Variants in PSMF1 observed in about 807,000 individuals in gnomAD.
PSMF1 encodes proteasome inhibitor PI31 subunit.
A neutral mutation model predicts 29.3 loss-of-function variants in PSMF1; 30 were observed. That is an observed-to-expected ratio of 1.02 (90% CI 0.77 to 1.39). The LOEUF is 1.39. PSMF1 is among the 40% of genes most tolerant of loss of function. The probability of loss-of-function intolerance (pLI) is 0.00; values close to 1 mark genes in which losing one functional copy is unlikely to be tolerated. For synonymous variants in PSMF1, 134 were observed against 139.7 expected (o/e 0.96, Z 0.29); for missense variants, 344 against 357.5 (o/e 0.96, Z 0.31).
intron 4 of PSMF1, among the ~76,000 whole-genome samples, chr20:1,137,763 G>A (rs189512747): frequency 1.5e-4 from 23 of 152,204 alleles, no homozygotes; most frequent in Non-Finnish European, 2.6e-4. Flanking sequence ...CATTGACCAG[G>A]TATTAGATAG....
At chr20:1,162,994 G>A in intron 4 of PSMF1, 136 bp from the exon 5 acceptor site, 1 of 854,536 alleles carries the variant, frequency 1.2e-6, no homozygotes, top group East Asian at 2.7e-5. Context: ...TCTGAGCCAA[G>A]GACCACCCTG....
chr20:1,135,588 G>T (rs1358974713), intron 4 of PSMF1, among the ~76,000 whole-genome samples: 1 of 152,172 alleles, frequency 6.6e-6, no homozygotes, highest in Non-Finnish European at 1.5e-5. Flanking sequence ...TGCCTCTGGG[G>T]CTTATGTGCA....
intron 4 of PSMF1, chr20:1,161,665 G>A (rs774612910): frequency 1.5e-5 from 10 of 670,986 alleles, no homozygotes; most frequent in African/African-American, 3.6e-5. Context: ...ATGACAAGTC[G>A]GGCCCCTCCA....
intron 3 of PSMF1, among the ~76,000 whole-genome samples, chr20:1,128,553 C>A (rs894954014): frequency 7.9e-5 from 12 of 152,104 alleles, no homozygotes; most frequent in African/African-American, 2.9e-4. Context: ...TAACTATGTT[C>A]CACAAAAGAT....
At position 1,172,243 on chromosome 20, in the gene PSMF1, G is replaced by A. The variant is rs2086797143; in HGVS notation, c.*7163G>A. ...TATTAAATTTGATAAGATGCATGAT[G>A]GCAGCTATTAGAGTTTTGACTCTGT... is the stretch of plus-strand genomic sequence containing the variant. On this transcript the variant is annotated 3_prime_UTR_variant, in exon 7 of 7. Coordinates refer to ENST00000335877, the MANE Select transcript of PSMF1 (RefSeq NM_006814.5). Among the ~76,000 whole-genome samples, 2 of 152,216 alleles carry A rather than the reference G, an allele frequency of 1.3e-5. No homozygotes were observed. Among genetic ancestry groups the A allele is most frequent in the African/African-American group, 4.8e-5 (2 of 41,442 alleles).
At position 1,166,061 on chromosome 20, in the gene PSMF1, T is replaced by C; in HGVS notation, c.*981T>C. 1 of 1,491,596 alleles carries C rather than the reference T, an allele frequency of 6.7e-7. No individual in the cohort carries two copies. The allele number at this position is 1,491,596 out of a possible 1,614,324, so 92.4% of individuals were successfully genotyped here. ...AAGGCCATACTTCCCTTGAACCTTG[T>C]GTGGTTCTTGCCTAACTCTGTGGTT... is the stretch of plus-strand genomic sequence containing the variant. On this transcript the variant is annotated 3_prime_UTR_variant, in exon 7 of 7. Coordinates refer to ENST00000335877, the MANE Select transcript of PSMF1 (RefSeq NM_006814.5).
intron 4 of PSMF1, among the ~76,000 whole-genome samples, chr20:1,150,724 A>G (rs980395152): frequency 1.3e-5 from 2 of 151,844 alleles, no homozygotes; most frequent in South Asian, 2.1e-4. Flanking sequence ...CTTTTACCCT[A>G]TTAATGGTTT....
chr20:1,132,466 G>A (rs1204130354), intron 3 of PSMF1, among the ~76,000 whole-genome samples: 1 of 151,822 alleles, frequency 6.6e-6, no homozygotes, highest in Non-Finnish European at 1.5e-5. Flanking sequence ...TAGTAGAGAC[G>A]GGGTTTTACC....
intron 3 of PSMF1, among the ~76,000 whole-genome samples, chr20:1,133,417 A>G (rs1279377339): frequency 6.6e-6 from 1 of 150,892 alleles, no homozygotes; most frequent in Non-Finnish European, 1.5e-5. Flanking sequence ...ACTATTAACC[A>G]GTCTTGCATG....
In PSMF1 at chr20:1,171,631, G is replaced by C. The variant is rs1274038444; in HGVS notation, c.*6551G>C. ...TCCCCCTCCCAGTTCCCGCAGCTAG[G>C]CTGAGTGTTAAGAGGAAGGTGCCAT... On this transcript the variant is annotated 3_prime_UTR_variant, in exon 7 of 7. Transcript: ENST00000335877. Among the ~76,000 whole-genome samples, 1 of 152,178 alleles carries C rather than the reference G, an allele frequency of 6.6e-6. No homozygotes were observed. The highest frequency in any genetic ancestry group is 1.5e-5 in the Non-Finnish European group (1 of 68,038).
chr20:1,160,162 T>C (rs1044439291), intron 4 of PSMF1, among the ~76,000 whole-genome samples: 2 of 152,058 alleles, frequency 1.3e-5, no homozygotes, highest in Non-Finnish European at 2.9e-5. Flanking sequence ...CTCGGTACGC[T>C]TCTTTCTGGT....
In PSMF1 at chr20:1,118,620, C is replaced by A. The variant is rs112970423; in HGVS notation, c.-154C>A. On this transcript the variant is annotated 5_prime_UTR_variant, in exon 1 of 7. Transcript: ENST00000335877. ...TACTTCCGGCTTCCCCGCCCCGCCC[C>A]GTCCCCGGGCGTCTCCATTTTGGTC... The A allele has an allele frequency of 6.3e-4, 569 of 908,170 alleles. 4 individuals carry two copies. The African/African-American group carries it at 8.6e-3, about 14-fold the overall frequency. The allele number at this position is 908,170 out of a possible 1,614,324, so 56.3% of individuals were successfully genotyped here. A position where few individuals can be genotyped will look rare whatever the true frequency, so the allele number is the denominator to read the frequency against.
intron 4 of PSMF1, chr20:1,161,119 G>T: frequency 2.2e-6 from 1 of 446,786 alleles, no homozygotes. Context: ...GGACCTGGCT[G>T]GCCAGGACCT....
At chr20:1,159,492 C>T (rs1220676893) in intron 4 of PSMF1, among the ~76,000 whole-genome samples, 1 of 152,202 alleles carries the variant, frequency 6.6e-6, no homozygotes, top group Non-Finnish European at 1.5e-5. Context: ...TTCTTGTTCT[C>T]TTGTTTCTTC....
chr20:1,142,295 G>A (rs2086391972), intron 4 of PSMF1, among the ~76,000 whole-genome samples: 1 of 152,018 alleles, frequency 6.6e-6, no homozygotes, highest in South Asian at 2.1e-4. Context: ...TATACTTCAA[G>A]TTTTAGGGTA....
intron 2 of PSMF1, 34 bp downstream of exon 2, chr20:1,125,684 G>A: frequency 6.3e-7 from 1 of 1,596,000 alleles, no homozygotes; most frequent in African/African-American, 1.3e-5. Context: ...CTGCTGATGA[G>A]ATGGGGATAG....
intron 3 of PSMF1, among the ~76,000 whole-genome samples, chr20:1,133,353 A>G (rs2086255476): frequency 6.6e-6 from 1 of 150,744 alleles, no homozygotes; most frequent in Admixed American, 6.6e-5. Flanking sequence ...ATATGATCAT[A>G]TGATTTTTCT....
intron 1 of PSMF1, among the ~76,000 whole-genome samples, chr20:1,121,716 T>C (rs1423753786): frequency 6.6e-6 from 1 of 152,212 alleles, no homozygotes; most frequent in Non-Finnish European, 1.5e-5. Flanking sequence ...CTAGATTGTC[T>C]GCTTTCTCTT....
intron 4 of PSMF1, among the ~76,000 whole-genome samples, chr20:1,160,263 G>T (rs1030624781): frequency 6.6e-6 from 1 of 151,632 alleles, no homozygotes; most frequent in Non-Finnish European, 1.5e-5. Flanking sequence ...TTTCCCCTCA[G>T]TACTTAACAC....
Sources: gnomAD v4.1 joint callset for allele counts (sites outside exome capture counted in the v4.1 genomes callset) on GRCh38, gnomAD v4.1.1 for gene constraint, MANE v1.5 for transcripts, NCBI Gene and HGNC (gene_info 2026-07-23, HGNC 2026-07-21) for gene names.